LNX1: variants seen among roughly 807,000 people sequenced by gnomAD.
LNX1 encodes E3 ubiquitin-protein ligase LNX.
Under a neutral mutation model 68.4 loss-of-function variants are expected in LNX1, and 54 were observed. That is an observed-to-expected ratio of 0.79 (90% confidence interval 0.63 to 0.99). The LOEUF is 0.99. Among genes scored for constraint, LNX1 ranks in the 50% least tolerant of loss-of-function variants. The pLI is 0.00. For missense variants in LNX1, 906 were observed against 926.4 expected, an observed-to-expected ratio of 0.98 and a Z score of 0.29; for synonymous variants, 336 against 350.0, an observed-to-expected ratio of 0.96 and a Z score of 0.45.
intron 6 of LNX1, among the ~76,000 whole-genome samples, chr4:53,490,358 A>T (rs570457593): frequency 6.6e-6 from 1 of 152,360 alleles, no homozygotes; most frequent in East Asian, 1.9e-4. Context: ...CCTCTTTCAT[A>T]CAGTTATTCC....
At chr4:53,477,014 T>G in intron 8 of LNX1, 33 bp from the exon 9 acceptor site, 6 of 1,567,854 alleles carry the variant, frequency 3.8e-6, no homozygotes, top group Non-Finnish European at 5.3e-6. Context: ...CTATCTTTAG[T>G]GAGAGCACAA....
At chr4:53,529,102 A>AACACACATACACACAC (rs1727838553) in intron 2 of LNX1, among the ~76,000 whole-genome samples, 1 of 138,322 alleles carries the variant, frequency 7.2e-6, no homozygotes, top group Non-Finnish European at 1.6e-5. Context: ...AGTCCTGACC[A>AACACACATACACACAC]ACACACACAC....
rs1725972629 is a variant in LNX1, at chr4:53,507,393, C to T, written c.699G>A (p.Arg233=). The T allele has an allele frequency of 6.2e-7, 1 of 1,614,098 alleles. No individual in the cohort carries two copies. Among genetic ancestry groups the T allele is most frequent in the African/African-American group, 1.3e-5 (1 of 75,040 alleles). Residue 233 remains arginine, a synonymous_variant, in exon 4 of 11, where the codon AGG becomes AGA. Coordinates refer to ENST00000263925, the MANE Select transcript of LNX1 (RefSeq NM_001126328.3). ...TGGCAACTGCACTCCCGCTCTTTGTCCTTCGAAGAACACTCAAAGCTCGAT... is the reference window on the plus strand; with the variant it reads ...TGGCAACTGCACTCCCGCTCTTTGTTCTTCGAAGAACACTCAAAGCTCGAT... ...KINRALSVLR[R]TKSGSAVANH...
intron 1 of LNX1, among the ~76,000 whole-genome samples, chr4:53,651,705 T>A (rs541700908): frequency 6.6e-6 from 1 of 152,286 alleles, no homozygotes; most frequent in African/African-American, 2.4e-5. Flanking sequence ...AACCTCTTTA[T>A]CCATGGGTAA....
At chr4:53,558,655 A>C (rs184432991) in intron 2 of LNX1, among the ~76,000 whole-genome samples, 5 of 152,340 alleles carry the variant, frequency 3.3e-5, no homozygotes, top group African/African-American at 1.2e-4. Flanking sequence ...CTGTCAGAAT[A>C]ACAAAGAGCC....
chr4:53,499,502 G>A (rs1333676214), intron 4 of LNX1, among the ~76,000 whole-genome samples: 1 of 152,152 alleles, frequency 6.6e-6, no homozygotes, highest in Non-Finnish European at 1.5e-5. Flanking sequence ...CATAAAACCT[G>A]AGGGCATAAA....
intron 2 of LNX1, among the ~76,000 whole-genome samples, chr4:53,538,874 A>G (rs952860230): frequency 6.6e-6 from 1 of 152,246 alleles, no homozygotes; most frequent in African/African-American, 2.4e-5. Context: ...AAGACCCTCA[A>G]TAGCGACAAC....
intron 2 of LNX1, among the ~76,000 whole-genome samples, chr4:53,566,369 C>T (rs1331155753): frequency 1.3e-5 from 2 of 151,900 alleles, no homozygotes; most frequent in Non-Finnish European, 2.9e-5. Flanking sequence ...AAAGAATTTT[C>T]AATCCAGAAT....
intron 2 of LNX1, among the ~76,000 whole-genome samples, chr4:53,523,906 T>C (rs886816541): frequency 2.0e-5 from 3 of 152,228 alleles, no homozygotes; most frequent in Non-Finnish European, 2.9e-5. Context: ...TTTATAGTCA[T>C]GGAATAAGTT....
intron 6 of LNX1, among the ~76,000 whole-genome samples, chr4:53,487,457 A>G (rs1029828247): frequency 6.6e-6 from 1 of 152,188 alleles, no homozygotes; most frequent in African/African-American, 2.4e-5. Context: ...TTCATTTGTT[A>G]TTGTGTTTCT....
At position 53,482,095 on chromosome 4, in the gene LNX1, T is replaced by C. The variant is rs1486117737; in HGVS notation, c.1351-241A>G. The stretch of plus-strand genomic sequence containing the variant: ...CAAGGGAAAACTAGGGAAGGTTTGG[T>C]TCCTTCCAATCTTTGAAAAGGCATC... On this transcript the variant is annotated intron_variant, in intron 6 of 10. Coordinates refer to ENST00000263925, the MANE Select transcript of LNX1 (RefSeq NM_001126328.3). 1.4e-4 allele frequency among the ~76,000 whole-genome samples: 22 copies of C among 152,346 alleles called. No homozygotes were observed. In the East Asian group the frequency reaches 4.2e-3, roughly 29 times the overall value.
intron 8 of LNX1, among the ~76,000 whole-genome samples, chr4:53,477,900 AC>A (rs1723666932): frequency 1.3e-5 from 2 of 152,166 alleles, no homozygotes; most frequent in South Asian, 4.1e-4. Flanking sequence ...CAGCAGCTGT[AC>A]TTGGGAAACT....
intron 9 of LNX1, among the ~76,000 whole-genome samples, chr4:53,471,000 C>T (rs1723122047): frequency 7.0e-6 from 1 of 142,466 alleles, no homozygotes; most frequent in African/African-American, 2.6e-5. Context: ...CTTTAAAGTT[C>T]ATATGGAACC....
Position 53,498,725 on chromosome 4 carries a change from C to G in LNX1, c.894G>C (p.Leu298=). 1 of 1,614,000 alleles carries G rather than the reference C, an allele frequency of 6.2e-7. No homozygotes were observed. Residue 298 remains leucine (L), a synonymous_variant, in exon 5 of 11, where the codon CTG becomes CTC. Coordinates refer to ENST00000263925, the MANE Select transcript of LNX1 (RefSeq NM_001126328.3). ...IRLVGGSETP[L]VHIIIQHIYR... ...AAATGTGTTGGATAATGATATGGAC[C>G]AGTGGGGTTTCGCTACCTCCCACCA...
intron 1 of LNX1, among the ~76,000 whole-genome samples, chr4:53,623,192 C>A (rs2572299): frequency 0.72 from 109,123 of 150,594 alleles, 40,139 homozygotes; most frequent in East Asian, 0.91. Context: ...AGAGCGTTTG[C>A]GTTGAGAGCA....
At chr4:53,591,620 T>G, upstream of LNX1, 1 of 979,314 alleles carries the variant, frequency 1.0e-6, no homozygotes, top group South Asian at 4.7e-5. Context: ...ATTGAAAGAG[T>G]CAGGAGGCCC....
At chr4:53,577,892 T>C (rs79479868) in intron 1 of LNX1, among the ~76,000 whole-genome samples, 1 of 152,338 alleles carries the variant, frequency 6.6e-6, no homozygotes, top group African/African-American at 2.4e-5. Context: ...TTGTTTTTGA[T>C]GATTTGATGT....
chr4:53,563,200 T>A (rs988949035), intron 2 of LNX1, among the ~76,000 whole-genome samples: 1 of 152,054 alleles, frequency 6.6e-6, no homozygotes, highest in Non-Finnish European at 1.5e-5. Context: ...CAACTCAAAA[T>A]AAATAAATAA....
At chr4:53,569,834 C>G (rs1299108826) in intron 2 of LNX1, among the ~76,000 whole-genome samples, 115 of 132,640 alleles carry the variant, frequency 8.7e-4, no homozygotes, top group Non-Finnish European at 4.9e-4. Flanking sequence ...ACAAACAACC[C>G]CATCAAAAAG....
Sources: allele counts gnomAD v4.1 joint callset (sites outside exome capture counted in the v4.1 genomes callset), GRCh38; gene constraint gnomAD v4.1.1; transcripts MANE v1.5; gene names NCBI Gene and HGNC (gene_info 2026-07-23, HGNC 2026-07-21).